SOX5: variants seen among roughly 807,000 people sequenced by gnomAD.
SOX5 encodes the protein SRY-box transcription factor 5.
In SOX5, 9 loss-of-function variants were observed where a neutral mutation model predicts 92.0. The ratio of observed to expected loss-of-function variants is 0.10; its 90% confidence interval spans 0.06 to 0.17. The LOEUF is 0.17. Ranked by LOEUF, SOX5 falls within the 10% of genes least tolerant of loss-of-function variation. The pLI is 1.00. For missense variants in SOX5, 642 were observed against 944.5 expected (o/e 0.68, Z 4.20); for synonymous variants, 344 against 336.3 (o/e 1.02, Z -0.25).
At chr12:23,790,547 C>G (rs2095455649) in intron 3 of SOX5, among the ~76,000 whole-genome samples, 1 of 80,532 alleles carries the variant, frequency 1.2e-5, no homozygotes, top group African/African-American at 4.2e-5. Context: ...CTCTCAATCT[C>G]TCACACACAC....
intron 1 of SOX5, among the ~76,000 whole-genome samples, chr12:24,494,939 T>C (rs1234888047): frequency 2.0e-5 from 3 of 152,212 alleles, no homozygotes; most frequent in African/African-American, 7.2e-5. Context: ...ATCTGATGAC[T>C]GAATGTTGTA....
At chr12:24,557,105 A>C (rs901094223) in intron 1 of SOX5, among the ~76,000 whole-genome samples, 1 of 152,138 alleles carries the variant, frequency 6.6e-6, no homozygotes, top group African/African-American at 2.4e-5. Flanking sequence ...TAAGAGGTTA[A>C]GAAGGCCAGG....
At chr12:24,517,046 T>C (rs1452999317) in intron 1 of SOX5, among the ~76,000 whole-genome samples, 1 of 152,176 alleles carries the variant, frequency 6.6e-6, no homozygotes, top group Non-Finnish European at 1.5e-5. Flanking sequence ...ACCTAAAATA[T>C]ACATTAGTTT....
In SOX5 at chr12:24,439,170, A is replaced by C. The variant is rs576990934; in HGVS notation, c.-250-70531T>G. ...AAGGATTACGACTCACTGAAGGTTC[A>C]GATGATCATTAGCATTTTCTAGCAA... On this transcript the variant is annotated intron_variant, in intron 1 of 4. Coordinates refer to the SOX5 transcript ENST00000446891. Among the ~76,000 whole-genome samples, 4 of 152,388 alleles carry C rather than the reference A, an allele frequency of 2.6e-5. No individual in the cohort carries two copies. In the East Asian group the frequency reaches 7.7e-4, roughly 29 times the overall value.
intron 3 of SOX5, among the ~76,000 whole-genome samples, chr12:24,257,875 T>C (rs1242948337): frequency 6.6e-6 from 1 of 152,120 alleles, no homozygotes; most frequent in Non-Finnish European, 1.5e-5. Flanking sequence ...TTTTATTTTC[T>C]TTTAAAGCCC....
chr12:24,086,214 A>T (rs1389002420), intron 4 of SOX5, among the ~76,000 whole-genome samples: 1 of 151,936 alleles, frequency 6.6e-6, no homozygotes, highest in Admixed American at 6.6e-5. Context: ...TTCATTGTCA[A>T]AATATACTCT....
At chr12:23,918,880 G>A (rs2097448896) in intron 1 of SOX5, among the ~76,000 whole-genome samples, 1 of 150,828 alleles carries the variant, frequency 6.6e-6, no homozygotes, top group South Asian at 2.1e-4. Context: ...TCGTGCCACT[G>A]CACTCCAGCC....
chr12:24,346,693 C>T (rs1329359910), intron 2 of SOX5, among the ~76,000 whole-genome samples: 1 of 152,072 alleles, frequency 6.6e-6, no homozygotes, highest in African/African-American at 2.4e-5. Context: ...CCTTGTGATC[C>T]ACCCGCCTTG....
chr12:23,647,330 C>T (rs111411266), intron 7 of SOX5, among the ~76,000 whole-genome samples: 9 of 152,158 alleles, frequency 5.9e-5, no homozygotes, highest in Non-Finnish European at 1.5e-5. Context: ...GTGCTGTCAT[C>T]CAGGCTTTTG....
At chr12:24,022,322 A>C (rs138735332) in intron 4 of SOX5, among the ~76,000 whole-genome samples, 1 of 152,284 alleles carries the variant, frequency 6.6e-6, no homozygotes, top group African/African-American at 2.4e-5. Flanking sequence ...AGAGAGCATG[A>C]CAAGTGGATT....
intron 1 of SOX5, among the ~76,000 whole-genome samples, chr12:24,549,038 C>T (rs1309923049): frequency 6.6e-6 from 1 of 152,200 alleles, no homozygotes; most frequent in Non-Finnish European, 1.5e-5. Context: ...AGAACACACT[C>T]TTTTCCCTCC....
chr12:23,691,633 T>C (rs2088833448), intron 6 of SOX5, among the ~76,000 whole-genome samples: 1 of 152,218 alleles, frequency 6.6e-6, no homozygotes, highest in Non-Finnish European at 1.5e-5. Context: ...ATAATTTGTC[T>C]ACTTATTTTT....
intron 5 of SOX5, among the ~76,000 whole-genome samples, chr12:23,739,131 A>G (rs922046543): frequency 6.6e-6 from 1 of 152,198 alleles, no homozygotes; most frequent in Non-Finnish European, 1.5e-5. Context: ...AAGGTTTTAC[A>G]GGGATGTGTA....
At chr12:24,312,185 T>A (rs571913630) in intron 2 of SOX5, among the ~76,000 whole-genome samples, 2 of 152,168 alleles carry the variant, frequency 1.3e-5, no homozygotes, top group Non-Finnish European at 2.9e-5. Context: ...TGTAAAGTAA[T>A]ATGTGCAGAA....
intron 2 of SOX5, among the ~76,000 whole-genome samples, chr12:23,860,967 A>ACAAC (rs969431615): frequency 6.7e-6 from 1 of 149,318 alleles, no homozygotes; most frequent in Non-Finnish European, 1.5e-5. Context: ...AAAAAAAAAA[A>ACAAC]AAAAAAAAAA....
intron 4 of SOX5, among the ~76,000 whole-genome samples, chr12:24,171,844 AAAG>A (rs1052830317): frequency 2.1e-4 from 32 of 152,146 alleles, no homozygotes; most frequent in African/African-American, 4.3e-4. Context: ...TTTTTAAAAA[AAAG>A]AAGAAGAAAG....
intron 8 of SOX5, among the ~76,000 whole-genome samples, chr12:23,611,940 C>G (rs1317809563): frequency 6.7e-6 from 1 of 150,360 alleles, no homozygotes; most frequent in Non-Finnish European, 1.5e-5. Flanking sequence ...AAAAAAAACA[C>G]ATTAAGATTA....
At chr12:24,472,883 T>C (rs1343965789) in intron 1 of SOX5, among the ~76,000 whole-genome samples, 1 of 152,134 alleles carries the variant, frequency 6.6e-6, no homozygotes, top group Non-Finnish European at 1.5e-5. Context: ...CCTATTGTGT[T>C]ACCTGTGGTG....
chr12:24,148,728 GA>G (rs1466929932), intron 4 of SOX5, among the ~76,000 whole-genome samples: 3 of 114,134 alleles, frequency 2.6e-5, no homozygotes, highest in Non-Finnish European at 5.6e-5. Flanking sequence ...AAGAAAGAAA[GA>G]AAAGAAAAGA....
Sources: allele counts gnomAD v4.1 joint callset (sites outside exome capture counted in the v4.1 genomes callset), GRCh38; gene constraint gnomAD v4.1.1; transcripts MANE v1.5; gene names NCBI Gene and HGNC (gene_info 2026-07-23, HGNC 2026-07-21).